PTPRM: variants seen among roughly 807,000 people sequenced by gnomAD.
PTPRM encodes receptor-type tyrosine-protein phosphatase mu.
A neutral mutation model predicts 186.7 loss-of-function variants in PTPRM; 47 were observed. The ratio of observed to expected loss-of-function variants is 0.25; its 90% CI spans 0.20 to 0.32. The LOEUF (loss-of-function observed/expected upper bound fraction) is 0.32, where lower values mean the gene tolerates loss of function less well. Among genes scored for constraint, PTPRM ranks in the 10% least tolerant of loss-of-function variants. PTPRM has a pLI of 1.00. For synonymous variants in PTPRM, 668 were observed against 674.9 expected (o/e 0.99, Z 0.16); for missense variants, 1,494 against 1,865.0 (o/e 0.80, Z 3.66).
intron 1 of PTPRM, among the ~76,000 whole-genome samples, chr18:7,656,071 T>C (rs2038839736): frequency 6.6e-6 from 1 of 152,166 alleles, no homozygotes; most frequent in Admixed American, 6.5e-5. Context: ...ACATTCCACT[T>C]CAGTATATAT....
chr18:7,903,561 T>C (rs1304709847), intron 3 of PTPRM, among the ~76,000 whole-genome samples: 3 of 152,250 alleles, frequency 2.0e-5, no homozygotes, highest in Non-Finnish European at 2.9e-5. Flanking sequence ...TTATAGACTT[T>C]AGTAGTAGAC....
chr18:8,257,856 C>T (rs1424012084), intron 19 of PTPRM, among the ~76,000 whole-genome samples: 1 of 152,188 alleles, frequency 6.6e-6, no homozygotes, highest in Non-Finnish European at 1.5e-5. Context: ...TTCAAGACAG[C>T]AGTGTCTCAA....
chr18:7,691,758 A>G (rs1568032627), intron 1 of PTPRM, among the ~76,000 whole-genome samples: 1 of 152,174 alleles, frequency 6.6e-6, no homozygotes, highest in African/African-American at 2.4e-5. Flanking sequence ...CTGAAACAGA[A>G]AAAACAAAAA....
intron 14 of PTPRM, among the ~76,000 whole-genome samples, chr18:8,162,599 A>G (rs775152190): frequency 2.0e-5 from 3 of 152,158 alleles, no homozygotes; most frequent in Non-Finnish European, 2.9e-5. Flanking sequence ...CTACCTCCTC[A>G]ACACAGGTGA....
At chr18:8,279,604 A>G (rs2094878399) in intron 19 of PTPRM, among the ~76,000 whole-genome samples, 1 of 152,214 alleles carries the variant, frequency 6.6e-6, no homozygotes, top group African/African-American at 2.4e-5. Context: ...ACAGGTCCGT[A>G]GTCGTGAGAC....
At chr18:8,288,759 C>T (rs574746419) in intron 19 of PTPRM, among the ~76,000 whole-genome samples, 25 of 152,230 alleles carry the variant, frequency 1.6e-4, no homozygotes, top group African/African-American at 6.0e-4. Flanking sequence ...ACTTCATTAG[C>T]GGGAGCTGAC....
At chr18:8,255,067 T>C (rs1192449343) in intron 19 of PTPRM, among the ~76,000 whole-genome samples, 1 of 152,250 alleles carries the variant, frequency 6.6e-6, no homozygotes, top group Non-Finnish European at 1.5e-5. Flanking sequence ...TGAAATTGAC[T>C]GCCTTTGCAT....
chr18:8,241,400 A>G (rs951718579), intron 14 of PTPRM, among the ~76,000 whole-genome samples: 5 of 89,376 alleles, frequency 5.6e-5, no homozygotes, highest in Admixed American at 9.7e-5. Flanking sequence ...GGTGATAATT[A>G]TATTATAACT....
At chr18:7,913,611 A>T (rs921907689) in intron 4 of PTPRM, among the ~76,000 whole-genome samples, 1 of 152,106 alleles carries the variant, frequency 6.6e-6, no homozygotes, top group Admixed American at 6.5e-5. Flanking sequence ...CTGGCATATT[A>T]TATTGATTGA....
intron 20 of PTPRM, among the ~76,000 whole-genome samples, chr18:8,303,230 T>C (rs2095180497): frequency 6.6e-6 from 1 of 152,032 alleles, no homozygotes; most frequent in African/African-American, 2.4e-5. Flanking sequence ...CTAGTAGATC[T>C]AGTACAGCAG....
At chr18:8,259,497 C>T (rs1243398890) in intron 19 of PTPRM, among the ~76,000 whole-genome samples, 3 of 147,630 alleles carry the variant, frequency 2.0e-5, no homozygotes, top group Non-Finnish European at 4.5e-5. Context: ...ATCCCCCCAC[C>T]TCTTATCCTT....
chr18:7,588,552 A>G (rs2037041665), intron 1 of PTPRM, among the ~76,000 whole-genome samples: 3 of 152,228 alleles, frequency 2.0e-5, no homozygotes, highest in Admixed American at 6.5e-5. Context: ...TTGCAATTAT[A>G]CTTAAAAGAA....
intron 11 of PTPRM, among the ~76,000 whole-genome samples, chr18:8,109,160 TA>T (rs1463974217): frequency 6.6e-6 from 1 of 152,216 alleles, no homozygotes; most frequent in Non-Finnish European, 1.5e-5. Flanking sequence ...ACATCAGCTA[TA>T]AAGTTCTGTC....
intron 2 of PTPRM, among the ~76,000 whole-genome samples, chr18:7,817,079 A>G (rs538583688): frequency 1.3e-5 from 2 of 148,650 alleles, no homozygotes; most frequent in African/African-American, 5.0e-5. Context: ...GGTTCAAGTG[A>G]TTCTCTTGCC....
At chr18:7,572,525 T>C (rs939113415) in intron 1 of PTPRM, among the ~76,000 whole-genome samples, 11 of 152,166 alleles carry the variant, frequency 7.2e-5, no homozygotes, top group Non-Finnish European at 4.4e-5. Flanking sequence ...TTAGATTAAA[T>C]ATTGTTTTCT....
intron 3 of PTPRM, among the ~76,000 whole-genome samples, chr18:7,894,402 C>T (rs528700552): frequency 7.2e-5 from 11 of 152,026 alleles, no homozygotes; most frequent in South Asian, 4.2e-4. Context: ...CTGGCTAACA[C>T]GGTGAAACCC....
At chr18:7,853,269 G>A (rs962337685) in intron 2 of PTPRM, among the ~76,000 whole-genome samples, 2 of 152,184 alleles carry the variant, frequency 1.3e-5, no homozygotes, top group African/African-American at 4.8e-5. Flanking sequence ...AAAGGAGGTT[G>A]GTGTTTTCTG....
At chr18:7,707,643 T>C (rs1401314922) in intron 1 of PTPRM, among the ~76,000 whole-genome samples, 3 of 152,022 alleles carry the variant, frequency 2.0e-5, no homozygotes, top group African/African-American at 7.2e-5. Flanking sequence ...TATCTCTAAA[T>C]AATAAATAAT....
intron 7 of PTPRM, among the ~76,000 whole-genome samples, chr18:8,061,704 C>T (rs1293058): frequency 0.35 from 29,123 of 83,196 alleles, 3,704 homozygotes; most frequent in Middle Eastern, 0.41. Flanking sequence ...TTTTATTTCT[C>T]CTTCACTTAT....
Sources: gnomAD v4.1 joint callset for allele counts (sites outside exome capture counted in the v4.1 genomes callset) on GRCh38, gnomAD v4.1.1 for gene constraint, MANE v1.5 for transcripts, NCBI Gene and HGNC (gene_info 2026-07-23, HGNC 2026-07-21) for gene names.